MEIS3: variants seen among roughly 807,000 people sequenced by gnomAD.
MEIS3 encodes the protein Meis homeobox 3.
A neutral mutation model predicts 51.4 loss-of-function variants in MEIS3; 38 were observed. That is an observed-to-expected ratio of 0.74 (90% CI 0.57 to 0.97). The LOEUF (loss-of-function observed/expected upper bound fraction) is 0.97. MEIS3 is among the 50% of genes least tolerant of loss of function. MEIS3 has a pLI of 0.00. For synonymous variants in MEIS3, 198 were observed against 201.8 expected, an observed-to-expected ratio of 0.98 and a Z score of 0.16; for missense variants, 456 against 502.6, an observed-to-expected ratio of 0.91 and a Z score of 0.89.
In MEIS3 at chr19:47,419,045, G is replaced by A. The variant is rs1279435060; in HGVS notation, c.12+25C>T. The A allele has an allele frequency of 4.8e-6, 6 of 1,243,774 alleles. No homozygotes were observed. In the South Asian group the frequency reaches 1.1e-4, roughly 22 times the overall value. The allele number at this position is 1,243,774 out of a possible 1,614,324, so 77.0% of individuals were successfully genotyped here. ...CAGGGGGTGCGGAAGCGGCCGGGAC[G>A]CGGGGTCCCCGCCCCGAGACCTACC... On this transcript the variant is annotated intron_variant, in intron 1 of 12. Coordinates refer to ENST00000558555, the MANE Select transcript of MEIS3 (RefSeq NM_001301059.2).
chr19:47,407,324 G>C (rs1970886176), intron 9 of MEIS3, 28 bp downstream of exon 9: 5 of 1,603,498 alleles, frequency 3.1e-6, no homozygotes, highest in South Asian at 2.2e-5. Context: ...GCCCCGGGCC[G>C]GCCCGCGGGC....
Position 47,419,163 on chromosome 19 carries a change from C to G in MEIS3, c.-82G>C. 2 of 1,099,118 alleles carry G rather than the reference C, an allele frequency of 1.8e-6. No individual in the cohort carries two copies. The highest frequency in any genetic ancestry group is 2.3e-6 in the Non-Finnish European group (2 of 868,208). 68.1% of individuals were successfully genotyped at this position (1,099,118 alleles called of 1,614,324 possible). Reference sequence around the variant, plus strand: ...CGCAGCCCGGGGCCGCAGCCCCTGACGGCCCGCGGTGTTGACGCCAGGGGG... The same window carrying G: ...CGCAGCCCGGGGCCGCAGCCCCTGAGGGCCCGCGGTGTTGACGCCAGGGGG... On this transcript the variant is annotated 5_prime_UTR_variant, in exon 1 of 13. Transcript: ENST00000558555.
chr19:47,416,772 G>A (rs1245582745), intron 3 of MEIS3, 32 bp downstream of exon 3: 1 of 1,612,952 alleles, frequency 6.2e-7, no homozygotes, highest in East Asian at 2.2e-5. Context: ...CTGGCTCTCT[G>A]ACTCGGTGTG....
At position 47,414,704 on chromosome 19, in the gene MEIS3, G is replaced by A. The variant is rs758342886; in HGVS notation, c.597+13C>T. ...GGCTGCAGGACGATGCCTGGTGCCCGTCCCGGGCCCACCTGGTCTGGGAGG... is the reference window on the plus strand; with the variant it reads ...GGCTGCAGGACGATGCCTGGTGCCCATCCCGGGCCCACCTGGTCTGGGAGG... On this transcript the variant is annotated intron_variant, in intron 6 of 12. Transcript: ENST00000558555. 5.3e-5 allele frequency: 84 copies of A among 1,580,444 alleles called. No homozygotes were observed. The highest frequency in any genetic ancestry group is 8.1e-5 in the African/African-American group (6 of 74,286).
chr19:47,412,855 A>G (rs1415492985), intron 6 of MEIS3, among the ~76,000 whole-genome samples: 7 of 151,648 alleles, frequency 4.6e-5, no homozygotes, highest in African/African-American at 1.5e-4. Flanking sequence ...GTCGTGAGCC[A>G]CTGCACCTGG....
chr19:47,413,030 T>C (rs1198123427), intron 6 of MEIS3, among the ~76,000 whole-genome samples: 1 of 151,708 alleles, frequency 6.6e-6, no homozygotes, highest in East Asian at 1.9e-4. Flanking sequence ...TTCCTTTCTG[T>C]GACTGCAGTT....
chr19:47,404,415 G>C (rs1159927447), intron 12 of MEIS3, among the ~76,000 whole-genome samples: 2 of 152,054 alleles, frequency 1.3e-5, no homozygotes, highest in Non-Finnish European at 2.9e-5. Context: ...GCCCTGTGCA[G>C]GCCTCCACTC....
intron 8 of MEIS3, 23 bp downstream of exon 8, chr19:47,409,076 C>A: frequency 6.2e-7 from 1 of 1,605,734 alleles, no homozygotes; most frequent in Non-Finnish European, 8.5e-7. Flanking sequence ...TCCCACCCTG[C>A]ACCTGGGCAG....
chr19:47,409,738 CT>C (rs1482291557), intron 6 of MEIS3, among the ~76,000 whole-genome samples, 191 bp from the exon 7 acceptor site: 1 of 151,972 alleles, frequency 6.6e-6, no homozygotes, highest in Non-Finnish European at 1.5e-5. Flanking sequence ...TGGCATGCAC[CT>C]GTAGTCCTAG....
chr19:47,412,563 T>C (rs1436759756), intron 6 of MEIS3, among the ~76,000 whole-genome samples: 1 of 151,474 alleles, frequency 6.6e-6, no homozygotes, highest in Non-Finnish European at 1.5e-5. Flanking sequence ...AATTTGTTGT[T>C]GTTTGTTTGT....
At chr19:47,417,519 C>G (rs777359585) in intron 1 of MEIS3, 169 bp from the exon 2 acceptor site, 3 of 814,148 alleles carry the variant, frequency 3.7e-6, no homozygotes, top group Non-Finnish European at 6.2e-6. Flanking sequence ...CCCTCCAGGT[C>G]CCCTGGAGCT....
chr19:47,415,191 G>A, intron 4 of MEIS3, 90 bp from the exon 5 acceptor site: 1 of 800,872 alleles, frequency 1.2e-6, no homozygotes, highest in Non-Finnish European at 2.1e-6. Context: ...AGGAGGAAGA[G>A]GAGACACAGA....
chr19:47,414,025 G>A (rs1007933545), intron 6 of MEIS3, among the ~76,000 whole-genome samples: 6 of 151,932 alleles, frequency 3.9e-5, no homozygotes, highest in Admixed American at 2.0e-4. Context: ...GAGAGCCACC[G>A]CACCCGGCCT....
chr19:47,407,556 T>C (rs780242077), intron 8 of MEIS3, 128 bp from the exon 9 acceptor site: 2 of 1,556,480 alleles, frequency 1.3e-6, no homozygotes, highest in Admixed American at 3.8e-5. Context: ...AACCGGCGCT[T>C]CTGAGCGTCT....
chr19:47,407,483 C>A, intron 8 of MEIS3, 55 bp from the exon 9 acceptor site: 1 of 1,613,248 alleles, frequency 6.2e-7, no homozygotes, highest in Non-Finnish European at 8.5e-7. Context: ...AGTCTGAACC[C>A]CAAGGTCTGG....
chr19:47,410,153 A>G (rs993348396), intron 6 of MEIS3, among the ~76,000 whole-genome samples: 1 of 151,996 alleles, frequency 6.6e-6, no homozygotes, highest in Admixed American at 6.6e-5. Flanking sequence ...CTAAAAATAC[A>G]AAAACCAGGC....
intron 12 of MEIS3, among the ~76,000 whole-genome samples, chr19:47,405,562 ATTTTTTTTT>A (rs769408624): frequency 1.5e-5 from 2 of 135,690 alleles, no homozygotes; most frequent in Non-Finnish European, 3.2e-5. Flanking sequence ...TGAGGGCTCA[ATTTTTTTTT>A]TTTTTTTTTT....
At chr19:47,417,030 T>C in intron 2 of MEIS3, 67 bp from the exon 3 acceptor site, 1 of 1,543,150 alleles carries the variant, frequency 6.5e-7, no homozygotes, top group Non-Finnish European at 8.7e-7. Context: ...GCTGCCAAGA[T>C]GCAGAACAGC....
intron 8 of MEIS3, 41 bp downstream of exon 8, chr19:47,409,058 C>T (rs766406307): frequency 4.4e-6 from 7 of 1,599,504 alleles, no homozygotes; most frequent in Non-Finnish European, 5.1e-6. Context: ...CCTTCTCCCT[C>T]TCTCCATTCC....
Sources: gnomAD v4.1 joint callset for allele counts (sites outside exome capture counted in the v4.1 genomes callset) on GRCh38, gnomAD v4.1.1 for gene constraint, MANE v1.5 for transcripts, NCBI Gene and HGNC (gene_info 2026-07-23, HGNC 2026-07-21) for gene names.